Variants in PDIA4 observed in about 807,000 individuals in gnomAD.
PDIA4 encodes the protein protein disulfide-isomerase A4.
Under a neutral mutation model 62.1 loss-of-function variants are expected in PDIA4, and 33 were observed. That is an observed-to-expected ratio of 0.53 (90% CI 0.40 to 0.71). The LOEUF (loss-of-function observed/expected upper bound fraction) is 0.71. PDIA4 is among the 30% of genes least tolerant of loss of function. The pLI is 0.00. For synonymous variants in PDIA4, 341 were observed against 324.1 expected, an observed-to-expected ratio of 1.05 and a Z score of -0.56; for missense variants, 804 against 813.6, an observed-to-expected ratio of 0.99 and a Z score of 0.14.
At chr7:149,021,268 A>C in intron 1 of PDIA4, 121 bp from the exon 2 acceptor site, 1 of 910,088 alleles carries the variant, frequency 1.1e-6, no homozygotes, top group African/African-American at 1.7e-5. Flanking sequence ...AGGTGGGCGG[A>C]TCACGAGGTC....
chr7:149,006,969 T>C (rs952995588), intron 7 of PDIA4, among the ~76,000 whole-genome samples: 5 of 152,172 alleles, frequency 3.3e-5, no homozygotes, highest in African/African-American at 1.2e-4. Flanking sequence ...TCCTGGAATA[T>C]GCACTCACAC....
In PDIA4 at chr7:149,010,043, G is replaced by T. The variant is rs148547729; in HGVS notation, c.980-1733C>A. 2.6e-3 allele frequency among the ~76,000 whole-genome samples: 395 copies of T among 152,250 alleles called. 2 individuals are homozygous for T. Among genetic ancestry groups the T allele is most frequent in the African/African-American group, 8.7e-3 (361 of 41,520 alleles). ...CCATGTTTTTGGGAGGGCAGGGGAT[G>T]GGGGGGCAGCCTGGATAAGCCTGTG... is the stretch of plus-strand genomic sequence containing the variant. On this transcript the variant is annotated intron_variant, in intron 6 of 9. Transcript: ENST00000652332.
Position 149,016,551 on chromosome 7 carries a change from C to T in PDIA4, c.476-1509G>A, listed in dbSNP as rs553946062. On this transcript the variant is annotated intron_variant, in intron 3 of 9. Transcript: ENST00000652332. ...CTTTTTTTTTTTTGAGACAGAGTCT[C>T]GCTGTCGCCCAGGCTGGAGTGCAGT... 2.0e-5 allele frequency among the ~76,000 whole-genome samples: 3 copies of T among 151,644 alleles called. No individual in the cohort carries two copies. In the East Asian group the frequency reaches 5.8e-4, roughly 29 times the overall value.
intron 1 of PDIA4, among the ~76,000 whole-genome samples, chr7:149,026,155 CT>C (rs1364356880): frequency 1.3e-5 from 2 of 151,914 alleles, no homozygotes; most frequent in Non-Finnish European, 2.9e-5. Context: ...TGAAATAAAT[CT>C]GTTGGACAAG....
intron 1 of PDIA4, among the ~76,000 whole-genome samples, chr7:149,022,745 C>G (rs1360981889): frequency 6.6e-6 from 1 of 152,146 alleles, no homozygotes; most frequent in East Asian, 1.9e-4. Flanking sequence ...CCTGCACCCA[C>G]CCCACATGGC....
rs907922657 is a variant in PDIA4, at chr7:149,028,331, G to A, written c.78C>T (p.Gly26=). ...VQLLAVAGAE[G]PDEDSSNREN... ...GCGCTTGCCGCTCACCCTCGTCCGGGCCCTCGGCACCCGCCACGGCCAGCA... is the reference window on the plus strand; with the variant it reads ...GCGCTTGCCGCTCACCCTCGTCCGGACCCTCGGCACCCGCCACGGCCAGCA... Residue 26 remains glycine (G), a synonymous_variant, in exon 1 of 10, where the codon GGC becomes GGT. Coordinates refer to ENST00000652332, the MANE Select transcript of PDIA4 (RefSeq NM_004911.5). 17 of 1,521,716 alleles carry A rather than the reference G, an allele frequency of 1.1e-5. No individual in the cohort carries two copies. In the African/African-American group the frequency reaches 2.0e-4, roughly 18 times the overall value. 94.3% of individuals were successfully genotyped at this position (1,521,716 alleles called of 1,614,324 possible). A position where few individuals can be genotyped will look rare whatever the true frequency, so the allele number is the denominator to read the frequency against.
chr7:149,022,424 G>T (rs1824384492), intron 1 of PDIA4, among the ~76,000 whole-genome samples: 1 of 152,044 alleles, frequency 6.6e-6, no homozygotes, highest in Admixed American at 6.6e-5. Context: ...CCAAACCACA[G>T]ATACAAAGAA....
intron 1 of PDIA4, chr7:149,028,003 A>G (rs747023701): frequency 2.3e-5 from 13 of 566,716 alleles, no homozygotes; most frequent in South Asian, 1.8e-4. Context: ...CTGTAAATTA[A>G]GGCGAAGGAC....
At chr7:149,021,788 CCT>C (rs766345471) in intron 1 of PDIA4, among the ~76,000 whole-genome samples, 17 of 152,188 alleles carry the variant, frequency 1.1e-4, no homozygotes, top group Non-Finnish European at 2.4e-4. Flanking sequence ...CAAACCCTGC[CCT>C]GAGCCCAGAC....
intron 4 of PDIA4, among the ~76,000 whole-genome samples, chr7:149,013,610 C>T (rs768804756): frequency 3.3e-5 from 5 of 151,948 alleles, no homozygotes; most frequent in Non-Finnish European, 4.4e-5. Context: ...GAGTTCAAGG[C>T]GTAGTGAACT....
intron 3 of PDIA4, among the ~76,000 whole-genome samples, chr7:149,015,624 C>A (rs1182237465): frequency 1.3e-5 from 2 of 152,070 alleles, no homozygotes; most frequent in African/African-American, 4.8e-5. Context: ...AAATGGACTC[C>A]AGGGCTGGAG....
chr7:149,004,349 A>T (rs751065631), intron 9 of PDIA4, 140 bp from the exon 10 acceptor site: 11 of 770,818 alleles, frequency 1.4e-5, no homozygotes, highest in Non-Finnish European at 2.3e-5. Flanking sequence ...TACTGTAGAA[A>T]GTAGTAGCTG....
intron 2 of PDIA4, among the ~76,000 whole-genome samples, chr7:149,020,514 A>C (rs959779402): frequency 6.6e-5 from 10 of 152,204 alleles, no homozygotes; most frequent in Non-Finnish European, 1.5e-4. Context: ...CGCAGGGCCT[A>C]TGTGTGTAGT....
rs145077850 is a variant in PDIA4, at chr7:149,004,043, G to A, written c.1689C>T (p.Pro563=). Residue 563 remains proline (P), a synonymous_variant, in exon 10 of 10, where the codon CCC becomes CCT. Coordinates refer to ENST00000652332, the MANE Select transcript of PDIA4 (RefSeq NM_004911.5). ...ACTTCTTGGCCAGGCTGTTGTACACGGGCTCTAGCTGCTTGCAGTGCCCGC... is the reference window on the plus strand; with the variant it reads ...ACTTCTTGGCCAGGCTGTTGTACACAGGCTCTAGCTGCTTGCAGTGCCCGC... The part of the protein sequence containing the change: ...PWCGHCKQLE[P]VYNSLAKKYK... The A allele has an allele frequency of 6.6e-5, 106 of 1,614,066 alleles. No homozygotes were observed. Among genetic ancestry groups the A allele is most frequent in the East Asian group, 8.9e-5 (4 of 44,886 alleles).
At chr7:149,020,567 C>G (rs913293093) in intron 2 of PDIA4, among the ~76,000 whole-genome samples, 10 of 152,216 alleles carry the variant, frequency 6.6e-5, no homozygotes, top group Admixed American at 2.6e-4. Flanking sequence ...CTTGGGGCAG[C>G]TGCCTGAGCA....
intron 3 of PDIA4, among the ~76,000 whole-genome samples, chr7:149,016,434 G>C (rs1824142089): frequency 6.6e-6 from 1 of 152,056 alleles, no homozygotes; most frequent in African/African-American, 2.4e-5. Context: ...CTGTAAAAAT[G>C]AGAAAATCTC....
chr7:149,003,865 C>T lies in PDIA4; in HGVS notation c.1867G>A (p.Asp623Asn). 6.2e-7 allele frequency: 1 copy of T among 1,610,738 alleles called. No individual in the cohort carries two copies. Among genetic ancestry groups the T allele is most frequent in the Non-Finnish European group, 8.5e-7 (1 of 1,178,866 alleles). Residue 623 changes from aspartate to asparagine, a missense_variant, in exon 10 of 10, where the codon GAT becomes AAT. By Grantham distance (23) the Asp-to-Asn change is conservative. Coordinates refer to ENST00000652332, the MANE Select transcript of PDIA4 (RefSeq NM_004911.5). ...NPVKFEGGDR[D>N]LEHLSKFIEE... ...ATAAACTTGCTCAAATGCTCCAGAT[C>T]TCTGTCTCCACCCTCAAATTTAACT... is the stretch of plus-strand genomic sequence containing the variant.
chr7:149,024,823 A>T lies in PDIA4; in HGVS notation c.88+3498T>A, dbSNP rs1387854478. ...GAGCAAGACTGTCATTTAAAAAAAAAAAAAAAAAAAAAAAAAAAAGGCCAG... is the reference window on the plus strand; with the variant it reads ...GAGCAAGACTGTCATTTAAAAAAAATAAAAAAAAAAAAAAAAAAAGGCCAG... On this transcript the variant is annotated intron_variant, in intron 1 of 9. Transcript: ENST00000652332. 9.1e-3 allele frequency among the ~76,000 whole-genome samples: 230 copies of T among 25,382 alleles called. 1 individual carries two copies. Among genetic ancestry groups the T allele is most frequent in the Non-Finnish European group, 0.046 (190 of 4,144 alleles). The allele number at this position is 25,382 out of a possible 152,430, so 16.7% of individuals were successfully genotyped here. A position where few individuals can be genotyped will look rare whatever the true frequency, so the allele number is the denominator to read the frequency against.
At chr7:149,022,972 T>A (rs1204834938) in intron 1 of PDIA4, among the ~76,000 whole-genome samples, 1 of 152,230 alleles carries the variant, frequency 6.6e-6, no homozygotes, top group African/African-American at 2.4e-5. Context: ...CTGTTTCAAC[T>A]TAAGGCTTAG....
Sources: allele counts gnomAD v4.1 joint callset (sites outside exome capture counted in the v4.1 genomes callset), GRCh38; gene constraint gnomAD v4.1.1; transcripts MANE v1.5; gene names NCBI Gene and HGNC (gene_info 2026-07-23, HGNC 2026-07-21).